The following RNF7 variants were observed in gnomAD, a reference collection of about 807,000 sequenced individuals.
The protein encoded by RNF7 is RING-box protein 2.
In RNF7, 9 loss-of-function variants were observed where a neutral mutation model predicts 17.0. The observed-to-expected ratio is 0.53, with a 90% confidence interval of 0.32 to 0.92. The LOEUF is 0.92. Ranked by LOEUF, RNF7 falls within the 40% of genes least tolerant of loss-of-function variation. The probability of loss-of-function intolerance (pLI) is 0.04; values close to 1 mark genes in which losing one functional copy is unlikely to be tolerated. For synonymous variants in RNF7, 59 were observed against 50.5 expected, an observed-to-expected ratio of 1.17 and a Z score of -0.72; for missense variants, 87 against 145.8, an observed-to-expected ratio of 0.60 and a Z score of 2.08.
Position 141,738,335 on chromosome 3 carries a change from C to T in RNF7, c.-7C>T, listed in dbSNP as rs1213528279. 1.9e-6 allele frequency: 3 copies of T among 1,556,512 alleles called. No homozygotes were observed. The highest frequency in any genetic ancestry group is 2.7e-5 in the African/African-American group (2 of 73,174). ...AACGTCTCCGCCGTCGGCTCCGCGG[C>T]GCCGCCATGGCCGACGTGGAAGACG... On this transcript the variant is annotated 5_prime_UTR_variant, in exon 1 of 3. Transcript: ENST00000273480.
intron 2 of RNF7, 132 bp from the exon 3 acceptor site, chr3:141,745,027 G>A: frequency 1.7e-6 from 1 of 572,134 alleles, no homozygotes. Context: ...TTTATAGATA[G>A]AAAAACATTA....
Position 141,746,407 on chromosome 3 carries a change from A to G in RNF7, c.*1130A>G, listed in dbSNP as rs2084473756. ...GGTTTATTCTGCTTACCTTATTTGA[A>G]TTGTCATTATAATTTTATATGCAAC... On this transcript the variant is annotated 3_prime_UTR_variant, in exon 3 of 3. Transcript: ENST00000273480. 2 of 152,200 alleles carry G rather than the reference A, an allele frequency of 1.3e-5. No individual in the cohort carries two copies. Among genetic ancestry groups the G allele is most frequent in the South Asian group, 4.1e-4 (2 of 4,822 alleles). The allele number at this position is 152,200 out of a possible 1,614,324, so 9.4% of individuals were successfully genotyped here.
chr3:141,745,729 C>T lies in RNF7; in HGVS notation c.*452C>T, dbSNP rs1186305728. 6.6e-6 allele frequency: 1 copy of T among 152,520 alleles called. No homozygotes were observed. The allele number at this position is 152,520 out of a possible 1,614,324, so 9.4% of individuals were successfully genotyped here. On this transcript the variant is annotated 3_prime_UTR_variant, in exon 3 of 3. Coordinates refer to ENST00000273480, the MANE Select transcript of RNF7 (RefSeq NM_014245.5). ...TCTTACTCTTAATTTGTTCCTAATA[C>T]GTATTTTTGGCAGGGAGAGGGAACG...
chr3:141,743,207 A>C (rs2084439096), intron 1 of RNF7, among the ~76,000 whole-genome samples: 1 of 152,164 alleles, frequency 6.6e-6, no homozygotes, highest in African/African-American at 2.4e-5. Context: ...GTAACTTTGA[A>C]TATAGTGGAG....
intron 1 of RNF7, 151 bp downstream of exon 1, chr3:141,738,667 C>T (rs1215765017): frequency 2.4e-6 from 2 of 850,560 alleles, no homozygotes; most frequent in Admixed American, 3.3e-5. Context: ...CGGAGGAACG[C>T]GGAGCCACGC....
At position 141,745,928 on chromosome 3, in the gene RNF7, G is replaced by A. The variant is rs1342509459; in HGVS notation, c.*651G>A. 2 of 151,790 alleles carry A rather than the reference G, an allele frequency of 1.3e-5. No homozygotes were observed. The highest frequency in any genetic ancestry group is 2.9e-5 in the Non-Finnish European group (2 of 67,978). The allele number at this position is 151,790 out of a possible 1,614,324, so 9.4% of individuals were successfully genotyped here. On this transcript the variant is annotated 3_prime_UTR_variant, in exon 3 of 3. Coordinates refer to ENST00000273480, the MANE Select transcript of RNF7 (RefSeq NM_014245.5). ...ACTCACCTCACTGTTCAATCATTGA[G>A]TGGTAAAGGACAGAAGTATTTTCTA...
At chr3:141,745,073 A>G (rs1328776850) in intron 2 of RNF7, 86 bp from the exon 3 acceptor site, 2 of 789,996 alleles carry the variant, frequency 2.5e-6, no homozygotes, top group Non-Finnish European at 4.0e-6. Flanking sequence ...CAAGATTATT[A>G]TTTGTAATAT....
At chr3:141,739,642 C>T (rs2084394373) in intron 1 of RNF7, among the ~76,000 whole-genome samples, 1 of 152,186 alleles carries the variant, frequency 6.6e-6, no homozygotes, top group South Asian at 2.1e-4. Context: ...GGGGGTGAGA[C>T]TGTAAACATA....
rs1469141015 is a variant in RNF7, at chr3:141,747,500, T to C, written c.*2223T>C. 1 of 152,264 alleles carries C rather than the reference T, an allele frequency of 6.6e-6. No individual in the cohort carries two copies. Among genetic ancestry groups the C allele is most frequent in the Non-Finnish European group, 1.5e-5 (1 of 68,046 alleles). The allele number at this position is 152,264 out of a possible 1,614,324, so 9.4% of individuals were successfully genotyped here. ...CCCATTGCTTCCTTTTTTATAAAAA[T>C]ACTGTGTCCCCCTTTACTGTCATGA... On this transcript the variant is annotated 3_prime_UTR_variant, in exon 3 of 3. Coordinates refer to ENST00000273480, the MANE Select transcript of RNF7 (RefSeq NM_014245.5).
chr3:141,745,069 T>G, intron 2 of RNF7, 90 bp from the exon 3 acceptor site: 5 of 779,304 alleles, frequency 6.4e-6, no homozygotes, highest in Non-Finnish European at 1.0e-5. Flanking sequence ...TTTTCAAGAT[T>G]ATTATTTGTA....
At position 141,738,329 on chromosome 3, in the gene RNF7, C is replaced by G. The variant is rs1009215792; in HGVS notation, c.-13C>G. 1 of 1,551,160 alleles carries G rather than the reference C, an allele frequency of 6.4e-7. No homozygotes were observed. Among genetic ancestry groups the G allele is most frequent in the African/African-American group, 1.4e-5 (1 of 73,128 alleles). Reference sequence around the variant, plus strand: ...CAAGCCAACGTCTCCGCCGTCGGCTCCGCGGCGCCGCCATGGCCGACGTGG... The same window carrying G: ...CAAGCCAACGTCTCCGCCGTCGGCTGCGCGGCGCCGCCATGGCCGACGTGG... On this transcript the variant is annotated 5_prime_UTR_variant, in exon 1 of 3. Coordinates refer to ENST00000273480, the MANE Select transcript of RNF7 (RefSeq NM_014245.5).
chr3:141,743,411 C>A, intron 1 of RNF7, 98 bp from the exon 2 acceptor site: 2 of 821,860 alleles, frequency 2.4e-6, no homozygotes, highest in Non-Finnish European at 4.0e-6. Flanking sequence ...GTCTTTATTG[C>A]CATCCCTAAC....
chr3:141,741,849 G>A (rs2084420724), intron 1 of RNF7, among the ~76,000 whole-genome samples: 1 of 152,062 alleles, frequency 6.6e-6, no homozygotes, highest in Non-Finnish European at 1.5e-5. Flanking sequence ...TACATATAAT[G>A]TTAGTATTTG....
chr3:141,742,542 G>A (rs2084431252), intron 1 of RNF7: 2 of 1,009,346 alleles, frequency 2.0e-6, no homozygotes, highest in African/African-American at 1.7e-5. Context: ...TTAGTGTTTA[G>A]GGATATCTAG....
At chr3:141,742,522 A>G in intron 1 of RNF7, 1 of 840,004 alleles carries the variant, frequency 1.2e-6, no homozygotes, top group Non-Finnish European at 1.6e-6. Context: ...TTTCTTACAA[A>G]GAAAAAACCT....
At chr3:141,742,372 G>A (rs1217631362) in intron 1 of RNF7, among the ~76,000 whole-genome samples, 1 of 151,616 alleles carries the variant, frequency 6.6e-6, no homozygotes, top group African/African-American at 2.4e-5. Flanking sequence ...GACTACAGGC[G>A]CCCACCACCA....
At chr3:141,742,978 A>G in intron 1 of RNF7, 3 of 875,000 alleles carry the variant, frequency 3.4e-6, no homozygotes, top group East Asian at 1.1e-4. Flanking sequence ...TAAGTTATAT[A>G]TTCATATAGT....
intron 2 of RNF7, among the ~76,000 whole-genome samples, chr3:141,743,939 A>G (rs1308119717): frequency 2.0e-5 from 3 of 152,192 alleles, no homozygotes; most frequent in Non-Finnish European, 4.4e-5. Flanking sequence ...CTCTTATAAT[A>G]CAGTATTTAA....
Position 141,738,356 on chromosome 3 carries a change from A to G in RNF7, c.15A>G (p.Glu5=). 1 of 1,575,602 alleles carries G rather than the reference A, an allele frequency of 6.3e-7. No homozygotes were observed. The highest frequency in any genetic ancestry group is 8.6e-7 in the Non-Finnish European group (1 of 1,160,984). ...GCGGCGCCGCCATGGCCGACGTGGA[A>G]GACGGAGAGGAAACCTGCGCCCTGG... is the stretch of plus-strand genomic sequence containing the variant. MADV[E]DGEETCALAS... The change falls in exon 1 of 3, where the codon GAA becomes GAG. Residue 5 remains glutamate, a synonymous_variant. Coordinates refer to ENST00000273480, the MANE Select transcript of RNF7 (RefSeq NM_014245.5).
Sources: gnomAD v4.1 joint callset for allele counts (sites outside exome capture counted in the v4.1 genomes callset) on GRCh38, gnomAD v4.1.1 for gene constraint, MANE v1.5 for transcripts, NCBI Gene and HGNC (gene_info 2026-07-23, HGNC 2026-07-21) for gene names.